ZFAND4: variants seen among roughly 807,000 people sequenced by gnomAD.
The protein encoded by ZFAND4 is zinc finger AN1-type containing 4, also known as AN1-type zinc finger protein 4.
Under a neutral mutation model 64.4 loss-of-function variants are expected in ZFAND4, and 43 were observed. That is an observed-to-expected ratio of 0.67 (90% confidence interval 0.52 to 0.86). The LOEUF is 0.86. Ranked by LOEUF, ZFAND4 falls within the 40% of genes least tolerant of loss-of-function variation. The probability of loss-of-function intolerance (pLI) is 0.00; values close to 1 mark genes in which losing one functional copy is unlikely to be tolerated. For synonymous variants in ZFAND4, 296 were observed against 305.7 expected, an observed-to-expected ratio of 0.97 and a Z score of 0.33; for missense variants, 929 against 859.8, an observed-to-expected ratio of 1.08 and a Z score of -1.01.
chr10:45,620,125 T>C (rs748425305), intron 8 of ZFAND4, among the ~76,000 whole-genome samples: 30 of 152,138 alleles, frequency 2.0e-4, no homozygotes, highest in Non-Finnish European at 3.8e-4. Context: ...GTAGTCACAT[T>C]TTCATTTTTT....
intron 6 of ZFAND4, 29 bp downstream of exon 6, chr10:45,639,787 T>A: frequency 1.3e-6 from 2 of 1,591,432 alleles, no homozygotes; most frequent in Non-Finnish European, 1.7e-6. Context: ...AAGCTAGAGA[T>A]AAGCCTGGTC....
chr10:45,670,918 T>A (rs185566922), intron 1 of ZFAND4, among the ~76,000 whole-genome samples: 3,116 of 151,870 alleles, frequency 0.021, 117 homozygotes, highest in African/African-American at 0.07. Flanking sequence ...GGGAAAAAAA[T>A]TTTGCAATCT....
chr10:45,634,001 A>T (rs2046386182), intron 6 of ZFAND4, among the ~76,000 whole-genome samples: 1 of 152,218 alleles, frequency 6.6e-6, no homozygotes, highest in South Asian at 2.1e-4. Flanking sequence ...CCTGGGAAAT[A>T]TGAATATAGA....
chr10:45,670,924 A>C (rs1431187337), intron 1 of ZFAND4, among the ~76,000 whole-genome samples: 1 of 152,242 alleles, frequency 6.6e-6, no homozygotes, highest in Non-Finnish European at 1.5e-5. Flanking sequence ...AAAATTTTGC[A>C]ATCTACCCAT....
chr10:45,620,702 C>T (rs1324808654), intron 8 of ZFAND4: 1 of 152,140 alleles, frequency 6.6e-6, no homozygotes, highest in Non-Finnish European at 1.5e-5. Context: ...CTTGGACTGG[C>T]ATTTAAGGTA....
At chr10:45,632,747 A>G (rs1310886321) in intron 6 of ZFAND4, among the ~76,000 whole-genome samples, 15 of 152,224 alleles carry the variant, frequency 9.9e-5, no homozygotes, top group Admixed American at 9.8e-4. Flanking sequence ...AACTGTAAGT[A>G]TAACAAAATA....
At chr10:45,667,720 T>C (rs2048923919) in intron 1 of ZFAND4, among the ~76,000 whole-genome samples, 1 of 151,888 alleles carries the variant, frequency 6.6e-6, no homozygotes, top group African/African-American at 2.4e-5. Flanking sequence ...CCACCCACCC[T>C]GGCCTCCCAA....
chr10:45,649,979 A>G (rs1053548610), intron 4 of ZFAND4: 2 of 152,238 alleles, frequency 1.3e-5, no homozygotes, highest in Non-Finnish European at 2.9e-5. Context: ...AATCTTTCAG[A>G]TTTTATCAGC....
rs926884125 is a variant in ZFAND4 at position 45,628,066 on chromosome 10, C to A, written c.718-961G>T. On this transcript the variant is annotated intron_variant, in intron 6 of 9. Transcript: ENST00000344646. ...GGCATGGTAGATTTTTTAAAAAGTA[C>A]CACAAAAATTCAAGATCTTATGAAT... is the stretch of plus-strand genomic sequence containing the variant. 3.9e-5 allele frequency among the ~76,000 whole-genome samples: 6 copies of A among 152,150 alleles called. 1 individual carries two copies. The South Asian group carries it at 1.2e-3, about 32-fold the overall frequency.
At chr10:45,646,389 T>C (rs10751387) in intron 5 of ZFAND4, among the ~76,000 whole-genome samples, 88,217 of 152,008 alleles carry the variant, frequency 0.58, 25,913 homozygotes, top group South Asian at 0.66. Context: ...ATATAAATGT[T>C]CTTCATGGTA....
chr10:45,628,526 C>A (rs779947546), intron 6 of ZFAND4, among the ~76,000 whole-genome samples: 4 of 152,112 alleles, frequency 2.6e-5, no homozygotes, highest in African/African-American at 4.8e-5. Context: ...CCAGGCTGGT[C>A]TCGAACCCCT....
At chr10:45,666,302 A>G (rs1220475634) in intron 1 of ZFAND4, among the ~76,000 whole-genome samples, 1 of 152,188 alleles carries the variant, frequency 6.6e-6, no homozygotes, top group African/African-American at 2.4e-5. Flanking sequence ...TTTAAAAACT[A>G]ATGATATTGT....
intron 2 of ZFAND4, among the ~76,000 whole-genome samples, chr10:45,656,576 T>G (rs2048138139): frequency 6.9e-6 from 1 of 144,604 alleles, no homozygotes; most frequent in African/African-American, 2.6e-5. Context: ...ATGGAAAACT[T>G]AAAAGCACCA....
rs7920461 is a variant in ZFAND4, at chr10:45,671,057, C to T, written c.-118+1193G>A. Among the ~76,000 whole-genome samples, 1,489 of 152,316 alleles carry T rather than the reference C, an allele frequency of 9.8e-3. 29 individuals are homozygous for T. The highest frequency in any genetic ancestry group is 0.034 in the African/African-American group (1,419 of 41,568). On this transcript the variant is annotated intron_variant, in intron 1 of 9. Coordinates refer to ENST00000344646, the MANE Select transcript of ZFAND4 (RefSeq NM_174890.4). ...CAGTTCTCAAAAGAAGATATTTATG[C>T]AGCCAACAGACACATGAAAAAACAC...
At chr10:45,634,407 T>C (rs113009703) in intron 6 of ZFAND4, among the ~76,000 whole-genome samples, 9,063 of 151,416 alleles carry the variant, frequency 0.06, 397 homozygotes, top group African/African-American at 0.12. Context: ...CCTGTAGTCC[T>C]AGCTACTGCT....
intron 2 of ZFAND4, among the ~76,000 whole-genome samples, chr10:45,653,846 T>C (rs1158518146): frequency 3.9e-5 from 6 of 152,172 alleles, no homozygotes; most frequent in African/African-American, 1.4e-4. Context: ...TAAATCACTC[T>C]ATCAAAAAGA....
At position 45,653,121 on chromosome 10, in the gene ZFAND4, G is replaced by T. The variant is rs569981135; in HGVS notation, c.185-62C>A. ...TTCAATAGCATCTCCAAAAGAGTAT[G>T]ATACAAATCTATTTCATTAAGGAAC... On this transcript the variant is annotated intron_variant, in intron 2 of 9. Coordinates refer to ENST00000344646, the MANE Select transcript of ZFAND4 (RefSeq NM_174890.4). 70 of 1,224,794 alleles carry T rather than the reference G, an allele frequency of 5.7e-5. No individual in the cohort carries two copies. The Admixed American group carries it at 9.3e-4, about 16-fold the overall frequency. The allele number at this position is 1,224,794 out of a possible 1,614,324, so 75.9% of individuals were successfully genotyped here. A position where few individuals can be genotyped will look rare whatever the true frequency, so the allele number is the denominator to read the frequency against.
At chr10:45,635,224 A>C (rs1190636338) in intron 6 of ZFAND4, among the ~76,000 whole-genome samples, 49 of 136,686 alleles carry the variant, frequency 3.6e-4, no homozygotes, top group East Asian at 2.2e-4. Flanking sequence ...CAAAAAAAAA[A>C]CAAACAAAAA....
chr10:45,617,975 C>T, intron 9 of ZFAND4, 165 bp downstream of exon 9: 1 of 623,734 alleles, frequency 1.6e-6, no homozygotes, highest in Non-Finnish European at 2.5e-6. Context: ...CATGAGCTAT[C>T]TACTTGTTCT....
Sources: allele counts gnomAD v4.1 joint callset (sites outside exome capture counted in the v4.1 genomes callset), GRCh38; gene constraint gnomAD v4.1.1; transcripts MANE v1.5; gene names NCBI Gene and HGNC (gene_info 2026-07-23, HGNC 2026-07-21).